SLC13A1: variants seen among roughly 807,000 people sequenced by gnomAD.
The protein encoded by SLC13A1 is solute carrier family 13 member 1, also known as Na(+)/sulfate cotransporter.
SLC13A1 carries 65 observed loss-of-function variants against 70.0 expected under a neutral mutation model. That is an observed-to-expected ratio of 0.93 (90% CI 0.76 to 1.14). The LOEUF is 1.14. SLC13A1 is among the 50% of genes most tolerant of loss of function. The pLI, the probability that SLC13A1 is intolerant of heterozygous loss-of-function variation, is 0.00. For synonymous variants in SLC13A1, 275 were observed against 250.5 expected, an observed-to-expected ratio of 1.10 and a Z score of -0.92; for missense variants, 726 against 717.8, an observed-to-expected ratio of 1.01 and a Z score of -0.13.
At chr7:123,163,598 A>G (rs1794980967) in intron 6 of SLC13A1, among the ~76,000 whole-genome samples, 1 of 152,100 alleles carries the variant, frequency 6.6e-6, no homozygotes, top group African/African-American at 2.4e-5. Context: ...TTGCAGTTCT[A>G]TTAACAAGAA....
rs572385524 is a variant in SLC13A1, at chr7:123,115,065, C to G, written c.*453G>C. 1 of 152,570 alleles carries G rather than the reference C, an allele frequency of 6.6e-6. No individual in the cohort carries two copies. The highest frequency in any genetic ancestry group is 2.4e-5 in the African/African-American group (1 of 41,550). The allele number at this position is 152,570 out of a possible 1,614,324, so 9.5% of individuals were successfully genotyped here. A position where few individuals can be genotyped will look rare whatever the true frequency, so the allele number is the denominator to read the frequency against. ...TGGCTTTGATTTCTCAGCAAATTCT[C>G]TGGAACAACAATGCAGAAATGATTT... On this transcript the variant is annotated 3_prime_UTR_variant, in exon 15 of 15. Transcript: ENST00000194130.
intron 6 of SLC13A1, among the ~76,000 whole-genome samples, chr7:123,166,922 A>G (rs984984923): frequency 2.0e-5 from 3 of 152,216 alleles, no homozygotes; most frequent in Admixed American, 1.3e-4. Context: ...ACATTTCTGC[A>G]TCCAAAAGGC....
At chr7:123,169,082 A>T in intron 4 of SLC13A1, 66 bp downstream of exon 4, 2 of 1,454,074 alleles carry the variant, frequency 1.4e-6, no homozygotes, top group Non-Finnish European at 1.9e-6. Context: ...ACAACTTAGA[A>T]TTCTTGAGTT....
chr7:123,186,373 G>A (rs1163492011), intron 1 of SLC13A1, among the ~76,000 whole-genome samples: 1 of 152,000 alleles, frequency 6.6e-6, no homozygotes, highest in East Asian at 1.9e-4. Context: ...AGAGATCCTA[G>A]ATATTTGATT....
chr7:123,115,630 A>G lies in SLC13A1; in HGVS notation c.1676T>C (p.Ile559Thr), dbSNP rs745672991. The G allele has an allele frequency of 1.9e-6, 3 of 1,613,880 alleles. No homozygotes were observed. The highest frequency in any genetic ancestry group is 2.5e-6 in the Non-Finnish European group (3 of 1,179,768). ...DMVKAGLGVN[I>T]VGVAVVMLGI... ...AAGCATAACCACAGCAACACCAACA[A>G]TGTTGACACCAAGTCCAGCTTTAAC... Residue 559 changes from isoleucine to threonine, a missense_variant, in exon 15 of 15, where the codon ATT (isoleucine) becomes ACT (threonine). Coordinates refer to ENST00000194130, the MANE Select transcript of SLC13A1 (RefSeq NM_022444.4).
At chr7:123,119,019 G>A in intron 13 of SLC13A1, 62 bp downstream of exon 13, 4 of 1,426,870 alleles carry the variant, frequency 2.8e-6, no homozygotes, top group Non-Finnish European at 3.8e-6. Context: ...ATGAAAACCA[G>A]CATTCCGAAG....
intron 6 of SLC13A1, among the ~76,000 whole-genome samples, chr7:123,164,669 A>T (rs901950405): frequency 2.0e-5 from 3 of 151,860 alleles, no homozygotes; most frequent in African/African-American, 7.2e-5. Context: ...AACTCATGTC[A>T]TGAGTGTTAG....
At chr7:123,195,517 C>T (rs915958086) in intron 1 of SLC13A1, among the ~76,000 whole-genome samples, 1 of 151,948 alleles carries the variant, frequency 6.6e-6, no homozygotes, top group African/African-American at 2.4e-5. Flanking sequence ...CTACCACTTC[C>T]TCCTTCTAGG....
At chr7:123,131,082 A>C (rs1305709663) in intron 8 of SLC13A1, among the ~76,000 whole-genome samples, 1 of 152,176 alleles carries the variant, frequency 6.6e-6, no homozygotes, top group Non-Finnish European at 1.5e-5. Flanking sequence ...CAGAAAGGAC[A>C]TTTTCTTTCG....
chr7:123,171,805 G>C lies in SLC13A1; in HGVS notation c.328C>G (p.Leu110Val). Residue 110 changes from leucine (L) to valine (V), a missense_variant, in exon 3 of 15, where the codon CTG becomes GTG. Coordinates refer to ENST00000194130, the MANE Select transcript of SLC13A1 (RefSeq NM_022444.4). ...EKWNLHKRIA[L>V]KMVMMVGVNP... ...ACACCAACCATCATCACCATTTTCA[G>C]AGCAATTCTCTTGTGCAAATTCCAT... 1 of 1,613,856 alleles carries C rather than the reference G, an allele frequency of 6.2e-7. No individual in the cohort carries two copies.
intron 1 of SLC13A1, among the ~76,000 whole-genome samples, chr7:123,191,331 G>A (rs757451793): frequency 3.2e-4 from 49 of 152,134 alleles, no homozygotes; most frequent in Non-Finnish European, 6.8e-4. Flanking sequence ...TCACAGGTTT[G>A]AGAAAACCAT....
intron 7 of SLC13A1, among the ~76,000 whole-genome samples, chr7:123,146,325 G>A (rs1340502745): frequency 6.6e-6 from 1 of 152,132 alleles, no homozygotes; most frequent in East Asian, 1.9e-4. Flanking sequence ...AGGAGTTTGA[G>A]ACCAGCCTGG....
chr7:123,197,498 C>T (rs532145186), intron 1 of SLC13A1, among the ~76,000 whole-genome samples: 12 of 152,146 alleles, frequency 7.9e-5, no homozygotes, highest in Middle Eastern at 6.8e-3. Context: ...CAAAGGCCTA[C>T]ATTCTTTAAA....
At chr7:123,122,892 A>G (rs1585288063) in intron 12 of SLC13A1, among the ~76,000 whole-genome samples, 1 of 152,026 alleles carries the variant, frequency 6.6e-6, no homozygotes, top group East Asian at 1.9e-4. Flanking sequence ...TCTTTGTATT[A>G]TTTCTTTTGA....
Position 123,134,024 on chromosome 7 carries a change from T to A in SLC13A1, c.932+386A>T, listed in dbSNP as rs537812243. ...GGATGGTCCTTTTAGGGGGGAGGTT[T>A]TTTTTGTTGTTTTGTTTGTTGATTG... On this transcript the variant is annotated intron_variant, in intron 8 of 14. Transcript: ENST00000194130. Among the ~76,000 whole-genome samples, 56 of 151,858 alleles carry A rather than the reference T, an allele frequency of 3.7e-4. No individual in the cohort carries two copies. In the South Asian group the frequency reaches 9.8e-3, roughly 27 times the overall value.
intron 6 of SLC13A1, among the ~76,000 whole-genome samples, chr7:123,164,596 C>T (rs1486898987): frequency 6.6e-6 from 1 of 151,534 alleles, no homozygotes; most frequent in Non-Finnish European, 1.5e-5. Context: ...TTTTATTTCT[C>T]TTCCTTTTTT....
At chr7:123,195,498 C>T (rs1372408296) in intron 1 of SLC13A1, among the ~76,000 whole-genome samples, 1 of 151,918 alleles carries the variant, frequency 6.6e-6, no homozygotes, top group African/African-American at 2.4e-5. Context: ...CTTTGACCAA[C>T]TTCTCGACCT....
rs118103063 is a variant in SLC13A1 at position 123,130,033 on chromosome 7, G to A, written c.933-552C>T. On this transcript the variant is annotated intron_variant, in intron 8 of 14. Transcript: ENST00000194130. The stretch of plus-strand genomic sequence containing the variant: ...AAATACCTGACACATCAATCCAATA[G>A]TACCTTTGGCAAATGTATGAGACAG... Among the ~76,000 whole-genome samples, 68 of 152,218 alleles carry A rather than the reference G, an allele frequency of 4.5e-4. No individual in the cohort carries two copies. In the East Asian group the frequency reaches 0.01, roughly 23 times the overall value.
intron 3 of SLC13A1, among the ~76,000 whole-genome samples, chr7:123,169,966 T>C (rs974245173): frequency 1.3e-5 from 2 of 152,200 alleles, no homozygotes; most frequent in Non-Finnish European, 2.9e-5. Flanking sequence ...CTGATATCCT[T>C]TCCTATTGTC....
Sources: gnomAD v4.1 joint callset for allele counts (sites outside exome capture counted in the v4.1 genomes callset) on GRCh38, gnomAD v4.1.1 for gene constraint, MANE v1.5 for transcripts, NCBI Gene and HGNC (gene_info 2026-07-23, HGNC 2026-07-21) for gene names.